Variants in PUM1 observed in about 807,000 individuals in gnomAD.
PUM1 encodes pumilio homolog 1.
In PUM1, 13 loss-of-function variants were observed where a neutral mutation model predicts 131.8. That is an observed-to-expected ratio of 0.10 (90% CI 0.06 to 0.16). The LOEUF is 0.16. Among genes scored for constraint, PUM1 ranks in the 10% least tolerant of loss-of-function variants. The pLI is 1.00. For synonymous variants in PUM1, 509 were observed against 556.5 expected (o/e 0.91, Z 1.20); for missense variants, 961 against 1,512.4 (o/e 0.64, Z 6.05).
At chr1:30,995,832 G>C (rs998742426) in intron 5 of PUM1, among the ~76,000 whole-genome samples, 2 of 152,134 alleles carry the variant, frequency 1.3e-5, no homozygotes, top group African/African-American at 4.8e-5. Context: ...TCACAGGTAT[G>C]CATCAATTCA....
intron 12 of PUM1, 149 bp from the exon 13 acceptor site, chr1:30,966,427 T>G (rs1640622708): frequency 4.1e-6 from 3 of 728,064 alleles, no homozygotes; most frequent in Non-Finnish European, 6.4e-6. Flanking sequence ...GATCCCTTCA[T>G]ATGAAGCTTC....
intron 5 of PUM1, among the ~76,000 whole-genome samples, chr1:31,004,383 C>G (rs1642325759): frequency 6.6e-6 from 1 of 152,186 alleles, no homozygotes; most frequent in Middle Eastern, 3.2e-3. Context: ...TTCCAGTTCA[C>G]CACACTAGCA....
chr1:30,941,369 A>G, intron 19 of PUM1, 97 bp from the exon 20 acceptor site: 1 of 1,298,776 alleles, frequency 7.7e-7, no homozygotes, highest in Admixed American at 2.3e-5. Flanking sequence ...TCTTTCTTTT[A>G]CCACCATAAC....
intron 13 of PUM1, 68 bp from the exon 14 acceptor site, chr1:30,964,978 G>T: frequency 7.5e-7 from 1 of 1,331,264 alleles, no homozygotes; most frequent in Non-Finnish European, 1.1e-6. Context: ...CCAGTGACCT[G>T]TTCCTAACAC....
At chr1:30,971,681 C>T (rs1466326858) in intron 10 of PUM1, among the ~76,000 whole-genome samples, 1 of 152,094 alleles carries the variant, frequency 6.6e-6, no homozygotes, top group East Asian at 1.9e-4. Context: ...AATTGTATTT[C>T]CTCAATCGAT....
At chr1:30,961,048 G>A (rs1305800337) in intron 14 of PUM1, among the ~76,000 whole-genome samples, 2 of 151,782 alleles carry the variant, frequency 1.3e-5, no homozygotes, top group Non-Finnish European at 2.9e-5. Context: ...TAAAAAATTA[G>A]CTGGGCATGG....
At chr1:31,065,358 C>T (rs1157534391) in intron 1 of PUM1, among the ~76,000 whole-genome samples, 3 of 152,278 alleles carry the variant, frequency 2.0e-5, no homozygotes, top group East Asian at 1.9e-4. Context: ...GCCCTGGGCT[C>T]GGGCCTAAAC....
At chr1:30,972,674 TGAGGCAGAAGAATCACTTGAACCCAG>T (rs1248272794) in intron 10 of PUM1, among the ~76,000 whole-genome samples, 1 of 151,036 alleles carries the variant, frequency 6.6e-6, no homozygotes, top group East Asian at 2.0e-4. Context: ...CTCAGGAGGC[TGAGGCAGAAGAATCACTTGAACCCAG>T]GAGGCAGAGG....
At chr1:30,979,748 T>C (rs1188242091) in intron 9 of PUM1, among the ~76,000 whole-genome samples, 2 of 152,160 alleles carry the variant, frequency 1.3e-5, no homozygotes, top group Non-Finnish European at 2.9e-5. Flanking sequence ...ACCTGAACTA[T>C]ATGATAGACT....
At chr1:30,946,568 C>T (rs1349247215) in intron 17 of PUM1, among the ~76,000 whole-genome samples, 3 of 145,500 alleles carry the variant, frequency 2.1e-5, no homozygotes, top group Non-Finnish European at 3.0e-5. Flanking sequence ...ACCGTGGAGG[C>T]GGAGGTTGCA....
chr1:31,035,842 G>GA (rs1643593419), intron 2 of PUM1, among the ~76,000 whole-genome samples: 2 of 151,990 alleles, frequency 1.3e-5, no homozygotes, highest in South Asian at 2.1e-4. Flanking sequence ...TACTGGAGGA[G>GA]AAAAAAACCA....
intron 5 of PUM1, among the ~76,000 whole-genome samples, chr1:31,003,450 C>A (rs181081471): frequency 2.0e-5 from 3 of 152,108 alleles, no homozygotes; most frequent in African/African-American, 7.2e-5. Context: ...GAGGATACAA[C>A]CACAAAGCTG....
At chr1:31,049,193 ACT>A (rs985011482) in intron 2 of PUM1, among the ~76,000 whole-genome samples, 139 of 150,442 alleles carry the variant, frequency 9.2e-4, no homozygotes, top group African/African-American at 2.9e-3. Context: ...TGACAGCGAA[ACT>A]CTGTCTGAAA....
intron 2 of PUM1, among the ~76,000 whole-genome samples, chr1:31,045,143 C>CTT (rs796248289): frequency 2.2e-5 from 3 of 139,096 alleles, no homozygotes; most frequent in African/African-American, 5.2e-5. Context: ...TGTAAAGCTG[C>CTT]TTTTTTTTTT....
intron 3 of PUM1, among the ~76,000 whole-genome samples, chr1:31,027,891 T>C (rs10914250): frequency 0.28 from 43,140 of 152,048 alleles, 6,589 homozygotes; most frequent in Non-Finnish European, 0.34. Flanking sequence ...CTCCCTCTTG[T>C]GAAATATTAA....
At chr1:31,057,459 TCACACCCGTAATCC>T (rs1182596560) in intron 2 of PUM1, among the ~76,000 whole-genome samples, 2 of 144,466 alleles carry the variant, frequency 1.4e-5, no homozygotes, top group African/African-American at 5.1e-5. Flanking sequence ...GCATGGTGGC[TCACACCCGTAATCC>T]CAGCACTTTG....
chr1:30,995,168 T>C lies in PUM1; in HGVS notation c.773A>G (p.Lys258Arg). ...TAGCTTATCTCCATCAAACGTACCC[T>C]TGTTCTTCTTTTCACCTTTGTCGTT... ...DENDKGEKKN[K>R]GTFDGDKLGD... The change falls in exon 6 of 22, where the codon AAG (lysine) becomes AGG (arginine). Residue 258 changes from lysine (K) to arginine (R), a missense_variant. This residue lies in a region of PUM1 where 654 missense variants were observed against 923.9 expected (regional missense o/e 0.71). Coordinates refer to ENST00000426105, the MANE Select transcript of PUM1 (RefSeq NM_001020658.2). 5 of 1,614,202 alleles carry C rather than the reference T, an allele frequency of 3.1e-6. No individual in the cohort carries two copies. Among genetic ancestry groups the C allele is most frequent in the Non-Finnish European group, 4.2e-6 (5 of 1,180,036 alleles).
intron 3 of PUM1, among the ~76,000 whole-genome samples, chr1:31,026,365 CTAACTAAACTAGAAGATGCTTTT>C (rs1643222858): frequency 6.6e-6 from 1 of 152,082 alleles, no homozygotes; most frequent in African/African-American, 2.4e-5. Context: ...TATCCAAAGC[CTAACTAAACTAGAAGATGCTTTT>C]TAAGGAATAT....
rs552687392 is a variant in PUM1, at chr1:31,038,436, C to G, written c.364-9572G>C. ...CATGGTAGACACTACTTTCTACACT[C>G]TCCTTAACATCTGAAGTAACACCCG... is the stretch of plus-strand genomic sequence containing the variant. On this transcript the variant is annotated intron_variant, in intron 2 of 21. Transcript: ENST00000426105. Among the ~76,000 whole-genome samples the G allele has an allele frequency of 7.2e-5, 11 of 152,300 alleles. No homozygotes were observed. In the South Asian group the frequency reaches 2.3e-3, roughly 32 times the overall value.
Sources: allele counts gnomAD v4.1 joint callset (sites outside exome capture counted in the v4.1 genomes callset), GRCh38; gene constraint gnomAD v4.1.1; regional missense constraint gnomAD v4.1.1; transcripts MANE v1.5; gene names NCBI Gene and HGNC (gene_info 2026-07-23, HGNC 2026-07-21).